UNC5D: variants seen among roughly 807,000 people sequenced by gnomAD.
UNC5D encodes the protein netrin receptor UNC5D.
In UNC5D, 39 loss-of-function variants were observed where a neutral mutation model predicts 105.4. The ratio of observed to expected loss-of-function variants is 0.37; its 90% CI spans 0.29 to 0.48. The LOEUF is 0.48. UNC5D is among the 20% of genes least tolerant of loss of function. UNC5D has a pLI of 0.98. For synonymous variants in UNC5D, 452 were observed against 450.4 expected, an observed-to-expected ratio of 1.00 and a Z score of -0.04; for missense variants, 991 against 1,202.4, an observed-to-expected ratio of 0.82 and a Z score of 2.60.
At chr8:35,589,132 A>G (rs1228373251) in intron 3 of UNC5D, among the ~76,000 whole-genome samples, 11 of 152,170 alleles carry the variant, frequency 7.2e-5, no homozygotes, top group Admixed American at 7.2e-4. Context: ...TAATACAATT[A>G]CTACATTTGG....
At position 35,482,950 on chromosome 8, in the gene UNC5D, C is replaced by A. The variant is rs1810580450; in HGVS notation, c.104-66342C>A. On this transcript the variant is annotated intron_variant, in intron 1 of 16. Transcript: ENST00000404895. ...CCCGAGTAGCTGGGATTACAGGCGC[C>A]TGCCACCACGCCCGGCTAATTTTTG... 2.0e-5 allele frequency among the ~76,000 whole-genome samples: 3 copies of A among 151,482 alleles called. No individual in the cohort carries two copies. The South Asian group carries it at 6.3e-4, about 32-fold the overall frequency.
intron 7 of UNC5D, among the ~76,000 whole-genome samples, chr8:35,700,725 T>C (rs1262662984): frequency 2.0e-5 from 3 of 152,180 alleles, no homozygotes; most frequent in South Asian, 2.1e-4. Flanking sequence ...GGATTTGTAC[T>C]GAGGTGCTCC....
chr8:35,344,729 A>C (rs1232477683), intron 1 of UNC5D, among the ~76,000 whole-genome samples: 3 of 152,202 alleles, frequency 2.0e-5, no homozygotes, highest in Non-Finnish European at 4.4e-5. Context: ...TGATTATCTT[A>C]GTACCCTGAT....
intron 1 of UNC5D, among the ~76,000 whole-genome samples, chr8:35,271,425 A>G (rs934505069): frequency 8.6e-5 from 11 of 128,264 alleles, no homozygotes; most frequent in Non-Finnish European, 1.2e-4. Context: ...ACACACACAT[A>G]TGTGTGTGTA....
chr8:35,411,071 A>G (rs58886150), intron 1 of UNC5D, among the ~76,000 whole-genome samples: 65,604 of 151,662 alleles, frequency 0.43, 14,502 homozygotes, highest in East Asian at 0.7. Flanking sequence ...CAGATGGAAA[A>G]TATTGGTAGA....
chr8:35,604,112 T>A (rs1276533485), intron 4 of UNC5D, among the ~76,000 whole-genome samples: 1 of 152,208 alleles, frequency 6.6e-6, no homozygotes, highest in Non-Finnish European at 1.5e-5. Flanking sequence ...ATTTTGCTTG[T>A]TAGTTGATGC....
intron 4 of UNC5D, among the ~76,000 whole-genome samples, chr8:35,680,330 G>A (rs1825572356): frequency 6.6e-6 from 1 of 152,136 alleles, no homozygotes; most frequent in African/African-American, 2.4e-5. Flanking sequence ...GAAACATATT[G>A]CTCTAACTTC....
intron 1 of UNC5D, among the ~76,000 whole-genome samples, chr8:35,315,666 C>T (rs973458223): frequency 3.3e-5 from 5 of 152,122 alleles, no homozygotes; most frequent in Admixed American, 1.3e-4. Context: ...AAAGCATGTG[C>T]GGCCAATTTT....
At chr8:35,477,306 A>T (rs1030996333) in intron 1 of UNC5D, among the ~76,000 whole-genome samples, 8 of 151,492 alleles carry the variant, frequency 5.3e-5, no homozygotes, top group Non-Finnish European at 1.0e-4. Flanking sequence ...TAATGCTTCC[A>T]TAAGGCTGAG....
At chr8:35,554,995 A>G (rs992697557) in intron 2 of UNC5D, among the ~76,000 whole-genome samples, 5 of 152,212 alleles carry the variant, frequency 3.3e-5, no homozygotes, top group Non-Finnish European at 7.3e-5. Flanking sequence ...TTAAAAGTTT[A>G]TATCTTAGAA....
chr8:35,732,808 A>G (rs1021424378), intron 11 of UNC5D, among the ~76,000 whole-genome samples: 1 of 152,116 alleles, frequency 6.6e-6, no homozygotes, highest in Non-Finnish European at 1.5e-5. Context: ...TCACATGAGA[A>G]CCAACTTAGG....
intron 1 of UNC5D, among the ~76,000 whole-genome samples, chr8:35,463,719 G>A (rs1453464985): frequency 6.6e-6 from 1 of 151,302 alleles, no homozygotes; most frequent in African/African-American, 2.4e-5. Flanking sequence ...CCAAGAGTTG[G>A]AAGCTGCAGT....
chr8:35,527,006 G>A (rs977216020), intron 1 of UNC5D, among the ~76,000 whole-genome samples: 1 of 152,024 alleles, frequency 6.6e-6, no homozygotes, highest in African/African-American at 2.4e-5. Flanking sequence ...TTTATAAGGG[G>A]GTTCTCTATG....
intron 13 of UNC5D, among the ~76,000 whole-genome samples, chr8:35,754,938 A>G (rs1244406774): frequency 6.6e-6 from 1 of 152,228 alleles, no homozygotes; most frequent in African/African-American, 2.4e-5. Context: ...TAAAAATGTC[A>G]TCTCCCTGTA....
chr8:35,235,669 C>A lies in UNC5D; in HGVS notation c.-116C>A. On this transcript the variant is annotated 5_prime_UTR_variant, in exon 1 of 17. Coordinates refer to ENST00000404895, the MANE Select transcript of UNC5D (RefSeq NM_080872.4). ...GCTGCTTTAGGAAGCGATCGTGGAGCAGAGTCACTCTCTGAAGACTCCCGA... is the reference window on the plus strand; with the variant it reads ...GCTGCTTTAGGAAGCGATCGTGGAGAAGAGTCACTCTCTGAAGACTCCCGA... 1.3e-6 allele frequency: 1 copy of A among 754,740 alleles called. No homozygotes were observed. The highest frequency in any genetic ancestry group is 1.8e-6 in the Non-Finnish European group (1 of 554,568). The allele number at this position is 754,740 out of a possible 1,614,324, so 46.8% of individuals were successfully genotyped here. A position where few individuals can be genotyped will look rare whatever the true frequency, so the allele number is the denominator to read the frequency against.
At chr8:35,784,816 T>G (rs1267629241) in intron 16 of UNC5D, among the ~76,000 whole-genome samples, 1 of 151,370 alleles carries the variant, frequency 6.6e-6, no homozygotes, top group Non-Finnish European at 1.5e-5. Flanking sequence ...AACATCTTAA[T>G]GACACTGCAA....
intron 4 of UNC5D, among the ~76,000 whole-genome samples, chr8:35,615,041 C>A (rs868560169): frequency 1.7e-4 from 21 of 122,450 alleles, no homozygotes; most frequent in African/African-American, 3.2e-4. Flanking sequence ...GAGGGGCCCC[C>A]CCCCCCCCGT....
At chr8:35,554,144 T>C (rs1174527317) in intron 2 of UNC5D, among the ~76,000 whole-genome samples, 1 of 152,192 alleles carries the variant, frequency 6.6e-6, no homozygotes, top group African/African-American at 2.4e-5. Flanking sequence ...GTTCCTAAAT[T>C]GGAAGCAATA....
chr8:35,455,009 G>A (rs1400580971), intron 1 of UNC5D, among the ~76,000 whole-genome samples: 2 of 151,866 alleles, frequency 1.3e-5, no homozygotes, highest in Non-Finnish European at 2.9e-5. Flanking sequence ...TCATAATAAG[G>A]CTTACTTCTT....
Sources: gnomAD v4.1 joint callset for allele counts (sites outside exome capture counted in the v4.1 genomes callset) on GRCh38, gnomAD v4.1.1 for gene constraint, MANE v1.5 for transcripts, NCBI Gene and HGNC (gene_info 2026-07-23, HGNC 2026-07-21) for gene names.